Variants in PAG1 observed in about 807,000 individuals in gnomAD.
The protein encoded by PAG1 is phosphoprotein associated with glycosphingolipid-enriched microdomains 1.
Under a neutral mutation model 31.7 loss-of-function variants are expected in PAG1, and 23 were observed. The observed-to-expected ratio is 0.73, with a 90% CI of 0.52 to 1.03. The LOEUF (loss-of-function observed/expected upper bound fraction) is 1.03. Among genes scored for constraint, PAG1 ranks in the 50% least tolerant of loss-of-function variants. The pLI, the probability that PAG1 is intolerant of heterozygous loss-of-function variation, is 0.00. For missense variants in PAG1, 473 were observed against 540.7 expected (o/e 0.87, Z 1.24); for synonymous variants, 214 against 210.3 (o/e 1.02, Z -0.15).
At chr8:81,052,189 C>A (rs956439653) in intron 2 of PAG1, among the ~76,000 whole-genome samples, 3 of 151,674 alleles carry the variant, frequency 2.0e-5, no homozygotes, top group Non-Finnish European at 2.9e-5. Context: ...GTCACGTCCT[C>A]ATTGTTGAAG....
chr8:81,099,329 A>G (rs1194599286), intron 1 of PAG1, among the ~76,000 whole-genome samples: 1 of 152,210 alleles, frequency 6.6e-6, no homozygotes, highest in Non-Finnish European at 1.5e-5. Flanking sequence ...AATGCTTTCT[A>G]TAACATTATT....
chr8:81,032,733 G>T (rs183076304), intron 2 of PAG1, among the ~76,000 whole-genome samples: 2 of 152,260 alleles, frequency 1.3e-5, no homozygotes, highest in East Asian at 3.9e-4. Context: ...TATAGCAAAA[G>T]AAATGAAACT....
Position 80,976,886 on chromosome 8 carries a change from T to G in PAG1, c.957A>C (p.Ser319=). The G allele has an allele frequency of 4.3e-6, 7 of 1,612,964 alleles. No homozygotes were observed. Among genetic ancestry groups the G allele is most frequent in the Non-Finnish European group, 5.9e-6 (7 of 1,179,396 alleles). The change falls in exon 9 of 9, where the codon TCA becomes TCC. Residue 319 remains serine (S), a synonymous_variant. Transcript: ENST00000220597. ...TCACTAACTGTCCAGGTTTATTTAC[T>G]GATGAGTACATAGCTGAGATCTAGG... ...TEEEISAMYS[S]VNKPGQLVNK...
intron 3 of PAG1, among the ~76,000 whole-genome samples, chr8:81,005,451 C>A (rs2130623448): frequency 6.6e-6 from 1 of 152,254 alleles, no homozygotes; most frequent in South Asian, 2.1e-4. Flanking sequence ...TTCTTTCAGT[C>A]TGACATGGCT....
chr8:81,067,812 C>T (rs1174637199), intron 2 of PAG1: 1 of 152,238 alleles, frequency 6.6e-6, no homozygotes, highest in African/African-American at 2.4e-5. Context: ...TCCCCTAGCT[C>T]CTCAAAGACG....
intron 1 of PAG1, among the ~76,000 whole-genome samples, chr8:81,081,246 C>T (rs893427924): frequency 1.3e-5 from 2 of 151,730 alleles, no homozygotes; most frequent in African/African-American, 4.8e-5. Flanking sequence ...GAGGCAACTT[C>T]GTACTAACAT....
chr8:81,108,787 C>T (rs996343916), intron 1 of PAG1, among the ~76,000 whole-genome samples: 1 of 152,136 alleles, frequency 6.6e-6, no homozygotes, highest in Non-Finnish European at 1.5e-5. Context: ...ATCTGCTTCC[C>T]ATGACATGGG....
chr8:81,022,578 T>TAAATCCA, intron 3 of PAG1, among the ~76,000 whole-genome samples: 1 of 152,176 alleles, frequency 6.6e-6, no homozygotes, highest in Non-Finnish European at 1.5e-5. Context: ...AATCCATATA[T>TAAATCCA]TAAAGGTAAA....
At chr8:81,037,735 G>A (rs1227871685) in intron 2 of PAG1, among the ~76,000 whole-genome samples, 1 of 152,180 alleles carries the variant, frequency 6.6e-6, no homozygotes, top group Non-Finnish European at 1.5e-5. Flanking sequence ...ATGTAAATAA[G>A]CATGAGATAA....
intron 2 of PAG1, among the ~76,000 whole-genome samples, chr8:81,064,294 T>C (rs973178288): frequency 1.3e-5 from 2 of 152,122 alleles, no homozygotes; most frequent in African/African-American, 2.4e-5. Context: ...CAGTTCACTA[T>C]AGAGTCCATG....
At chr8:81,104,005 A>G (rs1809651593) in intron 1 of PAG1, among the ~76,000 whole-genome samples, 1 of 152,234 alleles carries the variant, frequency 6.6e-6, no homozygotes, top group South Asian at 2.1e-4. Flanking sequence ...AGATCCAGAA[A>G]AAAATAAGAA....
chr8:81,077,167 A>C (rs1809192519), intron 1 of PAG1, among the ~76,000 whole-genome samples: 1 of 152,152 alleles, frequency 6.6e-6, no homozygotes, highest in Non-Finnish European at 1.5e-5. Flanking sequence ...CCTGGGCCTC[A>C]CTCCAGATCT....
intron 3 of PAG1, among the ~76,000 whole-genome samples, chr8:81,007,948 T>C (rs1313787467): frequency 6.6e-6 from 1 of 152,154 alleles, no homozygotes; most frequent in East Asian, 1.9e-4. Context: ...AAGAAAAATA[T>C]ATTTACAAAA....
intron 1 of PAG1, among the ~76,000 whole-genome samples, chr8:81,087,696 G>C (rs1179866957): frequency 1.3e-5 from 2 of 152,176 alleles, no homozygotes; most frequent in Admixed American, 6.5e-5. Flanking sequence ...CTTGCACAAA[G>C]TTACAGAACA....
chr8:81,096,976 G>A (rs1809538798), intron 1 of PAG1, among the ~76,000 whole-genome samples: 1 of 152,228 alleles, frequency 6.6e-6, no homozygotes, highest in Admixed American at 6.5e-5. Context: ...ACAGAGGGAT[G>A]AGGAAGAGTT....
chr8:81,059,758 G>A (rs562417490), intron 2 of PAG1, among the ~76,000 whole-genome samples: 1 of 152,276 alleles, frequency 6.6e-6, no homozygotes, highest in African/African-American at 2.4e-5. Flanking sequence ...GGGTGTTGTG[G>A]CTCATGCCTG....
chr8:80,972,359 TTA>T lies in PAG1; in HGVS notation c.*4183_*4184del, dbSNP rs1383628043. On this transcript the variant is annotated 3_prime_UTR_variant, in exon 9 of 9. Transcript: ENST00000220597. ...CTGGAAAAAAAGGTCATTTGCTCAT[TTA>T]CAAAATCCTAATTGAACTAAAGCTC... is the stretch of plus-strand genomic sequence containing the variant. 58 of 152,344 alleles carry T rather than the reference TTA, an allele frequency of 3.8e-4. No homozygotes were observed. The highest frequency in any genetic ancestry group is 1.4e-3 in the African/African-American group (58 of 41,574). 9.4% of individuals were successfully genotyped at this position (152,344 alleles called of 1,614,324 possible).
intron 5 of PAG1, 28 bp downstream of exon 5, chr8:80,991,451 G>C (rs1554599575): frequency 1.3e-6 from 2 of 1,587,184 alleles, no homozygotes; most frequent in Admixed American, 1.7e-5. Flanking sequence ...CGCACGGACA[G>C]ACAGGCAGAC....
At chr8:80,988,285 T>A (rs1215865570) in intron 5 of PAG1, among the ~76,000 whole-genome samples, 1 of 152,152 alleles carries the variant, frequency 6.6e-6, no homozygotes, top group Non-Finnish European at 1.5e-5. Context: ...TGCCATGCTA[T>A]GAGAAACGTG....
Sources: allele counts gnomAD v4.1 joint callset (sites outside exome capture counted in the v4.1 genomes callset), GRCh38; gene constraint gnomAD v4.1.1; transcripts MANE v1.5; gene names NCBI Gene and HGNC (gene_info 2026-07-23, HGNC 2026-07-21).